CTDSP2: variants seen among roughly 807,000 people sequenced by gnomAD.
The protein encoded by CTDSP2 is carboxy-terminal domain RNA polymerase II polypeptide A small phosphatase 2.
In CTDSP2, 9 loss-of-function variants were observed where a neutral mutation model predicts 31.6. That is an observed-to-expected ratio of 0.28 (90% CI 0.17 to 0.50). The LOEUF (loss-of-function observed/expected upper bound fraction) is 0.50, where lower values mean the gene tolerates loss of function less well. Ranked by LOEUF, CTDSP2 falls within the 20% of genes least tolerant of loss-of-function variation. The pLI is 0.98. For missense variants in CTDSP2, 267 were observed against 348.5 expected, an observed-to-expected ratio of 0.77 and a Z score of 1.86; for synonymous variants, 134 against 134.5, an observed-to-expected ratio of 1.00 and a Z score of 0.03.
In CTDSP2 at chr12:57,826,372, T is replaced by G; in HGVS notation, c.385A>C (p.Ile129Leu). 1 of 1,614,142 alleles carries G rather than the reference T, an allele frequency of 6.2e-7. No individual in the cohort carries two copies. Among genetic ancestry groups the G allele is most frequent in the Non-Finnish European group, 8.5e-7 (1 of 1,180,012 alleles). ...TGGTGAGTGGTCCCCTCAATCTCTA[T>G]AGGCACTATGAAGTCAGCATTGTTG... ...PINNADFIVP[I>L]EIEGTTHQVY... Residue 129 changes from isoleucine (I) to leucine (L), a missense_variant, in exon 5 of 8, where the codon ATA (isoleucine) becomes CTA (leucine). This residue lies in a region of CTDSP2 where 156 missense variants were observed against 241.3 expected (regional missense o/e 0.65). Transcript: ENST00000398073.
chr12:57,835,332 A>G (rs1389669475), intron 1 of CTDSP2, among the ~76,000 whole-genome samples: 1 of 151,728 alleles, frequency 6.6e-6, no homozygotes, highest in Non-Finnish European at 1.5e-5. Context: ...CCGTCTCAAA[A>G]AAAAAAAAGG....
chr12:57,823,717 T>C lies in CTDSP2; in HGVS notation c.701A>G (p.Gln234Arg). The change falls in exon 8 of 8, where the codon CAG becomes CGG. Residue 234 changes from glutamine (Q) to arginine (R), a missense_variant. By Grantham distance (43) the Gln-to-Arg change is conservative. Transcript: ENST00000398073. ...IFHPENAVPV[Q>R]SWFDDMADTE... ...GTCTGCCATGTCATCAAACCAGGACTGCACAGGCACCTGGTGGGGGGAAGA... is the reference window on the plus strand; with the variant it reads ...GTCTGCCATGTCATCAAACCAGGACCGCACAGGCACCTGGTGGGGGGAAGA... 1.2e-6 allele frequency: 2 copies of C among 1,614,026 alleles called. No individual in the cohort carries two copies. The highest frequency in any genetic ancestry group is 1.7e-6 in the Non-Finnish European group (2 of 1,179,996).
At chr12:57,845,112 G>A (rs1956306301) in intron 1 of CTDSP2, among the ~76,000 whole-genome samples, 1 of 152,178 alleles carries the variant, frequency 6.6e-6, no homozygotes, top group African/African-American at 2.4e-5. Flanking sequence ...CAGGCTCTAG[G>A]CCTCAGTGTG....
chr12:57,826,870 A>T, intron 4 of CTDSP2, 126 bp downstream of exon 4: 1 of 733,282 alleles, frequency 1.4e-6, no homozygotes, highest in Non-Finnish European at 2.2e-6. Context: ...CCAAAATGCC[A>T]GAGGCCTGGC....
chr12:57,824,420 C>A, intron 5 of CTDSP2, 101 bp from the exon 6 acceptor site: 1 of 895,944 alleles, frequency 1.1e-6, no homozygotes, highest in Non-Finnish European at 1.8e-6. Context: ...GCTCTCAACC[C>A]CTGCAGCCCA....
intron 7 of CTDSP2, 65 bp downstream of exon 7, chr12:57,823,839 A>G: frequency 6.2e-7 from 1 of 1,607,880 alleles, no homozygotes. Context: ...TCTCTGGTGG[A>G]GCCCACAGTT....
chr12:57,837,610 G>C (rs1956255932), intron 1 of CTDSP2, among the ~76,000 whole-genome samples: 1 of 152,088 alleles, frequency 6.6e-6, no homozygotes, highest in African/African-American at 2.4e-5. Context: ...AGAATCACTT[G>C]AATCCAAGAG....
Position 57,823,677 on chromosome 12 carries a change from G to T in CTDSP2, c.741C>A (p.Asn247Lys). The T allele has an allele frequency of 6.2e-7, 1 of 1,614,104 alleles. No individual in the cohort carries two copies. The highest frequency in any genetic ancestry group is 8.5e-7 in the Non-Finnish European group (1 of 1,180,018). Residue 247 changes from asparagine (N) to lysine (K), a missense_variant, in exon 8 of 8, where the codon AAC becomes AAA. By Grantham distance (94) the Asn-to-Lys change is moderately conservative (BLOSUM62 0). This residue lies in a region of CTDSP2 where 156 missense variants were observed against 241.3 expected (regional missense o/e 0.65). Coordinates refer to ENST00000398073, the MANE Select transcript of CTDSP2 (RefSeq NM_005730.4). ...TCAGCTCCTCAAAGATTGGGATCAG[G>T]TTCAGCAACTCAGTGTCTGCCATGT... ...FDDMADTELLNLIPIFEELSG... is the reference protein window; with the variant it reads ...FDDMADTELLKLIPIFEELSG...
chr12:57,837,678 A>C (rs1956256375), intron 1 of CTDSP2, among the ~76,000 whole-genome samples: 1 of 152,128 alleles, frequency 6.6e-6, no homozygotes, highest in African/African-American at 2.4e-5. Flanking sequence ...GGGACAGAGC[A>C]AAACTCTGTC....
In CTDSP2 at chr12:57,822,076, G is replaced by C. The variant is rs1246329367; in HGVS notation, c.*1526C>G. ...GATACCTGCCTCCAGGGAACACAGA[G>C]ATGGGAACAGGAGCGCCCTCCCACC... On this transcript the variant is annotated 3_prime_UTR_variant, in exon 8 of 8. Coordinates refer to ENST00000398073, the MANE Select transcript of CTDSP2 (RefSeq NM_005730.4). The C allele has an allele frequency of 6.6e-6, 1 of 152,318 alleles. No homozygotes were observed. The highest frequency in any genetic ancestry group is 1.5e-5 in the Non-Finnish European group (1 of 68,042). 9.4% of individuals were successfully genotyped at this position (152,318 alleles called of 1,614,324 possible).
chr12:57,845,506 C>G (rs1381089990), intron 1 of CTDSP2: 1 of 152,212 alleles, frequency 6.6e-6, no homozygotes, highest in Non-Finnish European at 1.5e-5. Context: ...GGCCGCCAGC[C>G]GCTGCCCACA....
intron 1 of CTDSP2, among the ~76,000 whole-genome samples, chr12:57,843,702 C>T (rs985927792): frequency 3.9e-5 from 6 of 152,130 alleles, no homozygotes; most frequent in African/African-American, 1.4e-4. Flanking sequence ...GTGGAGAGGA[C>T]GGAGTGGGGA....
chr12:57,839,119 A>G (rs1956265600), intron 1 of CTDSP2, among the ~76,000 whole-genome samples: 1 of 152,140 alleles, frequency 6.6e-6, no homozygotes, highest in African/African-American at 2.4e-5. Flanking sequence ...GAATGGAAGG[A>G]GTCTGCCAGG....
At chr12:57,827,471 ATGCACATCACCC>A in intron 3 of CTDSP2, 69 bp downstream of exon 3, 2 of 1,484,114 alleles carry the variant, frequency 1.3e-6, no homozygotes, top group Non-Finnish European at 1.9e-6. Context: ...ACCAAGGACT[ATGCACATCACCC>A]TGCCCGTGGA....
Position 57,824,756 on chromosome 12 carries a change from G to T in CTDSP2, c.412-437C>A, listed in dbSNP as rs1215195137. ...TCTGTCCAGGTCATGATTAGGTAAT[G>T]AATTGCACCAGGGAGAAGTGACTTT... On this transcript the variant is annotated intron_variant, in intron 5 of 7. Transcript: ENST00000398073. 1.4e-5 allele frequency: 7 copies of T among 505,090 alleles called. No individual in the cohort carries two copies. In the East Asian group the frequency reaches 3.9e-4, roughly 28 times the overall value. 31.3% of individuals were successfully genotyped at this position (505,090 alleles called of 1,614,324 possible). A position where few individuals can be genotyped will look rare whatever the true frequency, so the allele number is the denominator to read the frequency against.
chr12:57,840,657 T>C lies in CTDSP2; in HGVS notation c.64+5715A>G, dbSNP rs1956277146. Among the ~76,000 whole-genome samples, 3 of 150,966 alleles carry C rather than the reference T, an allele frequency of 2.0e-5. 1 individual carries two copies. In the South Asian group the frequency reaches 6.3e-4, roughly 32 times the overall value. On this transcript the variant is annotated intron_variant, in intron 1 of 7. Transcript: ENST00000398073. The stretch of plus-strand genomic sequence containing the variant: ...GGCCATATTTGTTCCCTGGGAACAA[T>C]GCAGATGGGAAAGTGCAAATTCAAG...
rs1019469046 is a variant in CTDSP2 at position 57,846,531 on chromosome 12, C to T, written c.-96G>A. 1 of 952,272 alleles carries T rather than the reference C, an allele frequency of 1.1e-6. No homozygotes were observed. Among genetic ancestry groups the T allele is most frequent in the African/African-American group, 1.8e-5 (1 of 56,534 alleles). The allele number at this position is 952,272 out of a possible 1,614,324, so 59.0% of individuals were successfully genotyped here. A position where few individuals can be genotyped will look rare whatever the true frequency, so the allele number is the denominator to read the frequency against. On this transcript the variant is annotated 5_prime_UTR_variant, in exon 1 of 8. Transcript: ENST00000398073. Reference sequence around the variant, plus strand: ...GGGCCTGGGCGGGGGCCCGCTCCGGCTCCCGAGACTCCGACTTCCACAGCT... The same window carrying T: ...GGGCCTGGGCGGGGGCCCGCTCCGGTTCCCGAGACTCCGACTTCCACAGCT...
chr12:57,840,034 G>C (rs1399810074), intron 1 of CTDSP2, among the ~76,000 whole-genome samples: 2 of 152,182 alleles, frequency 1.3e-5, no homozygotes, highest in Non-Finnish European at 2.9e-5. Flanking sequence ...AAGAGCCACA[G>C]ATCTTTAACA....
intron 1 of CTDSP2, among the ~76,000 whole-genome samples, chr12:57,834,133 G>T (rs1207181359): frequency 6.6e-6 from 1 of 152,132 alleles, no homozygotes; most frequent in Non-Finnish European, 1.5e-5. Flanking sequence ...CAAATGGGAG[G>T]TGTAGGGGCA....
Sources: allele counts gnomAD v4.1 joint callset (sites outside exome capture counted in the v4.1 genomes callset), GRCh38; gene constraint gnomAD v4.1.1; regional missense constraint gnomAD v4.1.1; transcripts MANE v1.5; gene names NCBI Gene and HGNC (gene_info 2026-07-23, HGNC 2026-07-21).